Variants in ZNF716 observed in about 807,000 individuals in gnomAD.
ZNF716 encodes the protein zinc finger protein 716.
A neutral mutation model predicts 13.4 loss-of-function variants in ZNF716; 9 were observed. That is an observed-to-expected ratio of 0.67 (90% CI 0.41 to 1.18). The LOEUF (loss-of-function observed/expected upper bound fraction) is 1.18. Ranked by LOEUF, ZNF716 falls within the 50% of genes most tolerant of loss-of-function variation. The pLI is 0.01. For missense variants in ZNF716, 581 were observed against 576.6 expected (o/e 1.01, Z -0.08); for synonymous variants, 186 against 195.2 (o/e 0.95, Z 0.39).
intron 3 of ZNF716, among the ~76,000 whole-genome samples, chr7:57,466,918 A>C (rs1789827629): frequency 6.6e-6 from 1 of 152,068 alleles, no homozygotes; most frequent in Admixed American, 6.6e-5. Context: ...ATGCATATAC[A>C]TATATGTAGA....
At chr7:57,462,374 C>A in intron 1 of ZNF716, 86 bp from the exon 2 acceptor site, 2 of 1,459,568 alleles carry the variant, frequency 1.4e-6, no homozygotes, top group South Asian at 1.2e-5. Context: ...TAACATGAGT[C>A]AAATAAAAAT....
At chr7:57,461,631 C>CT (rs1163878655) in intron 1 of ZNF716, among the ~76,000 whole-genome samples, 1 of 152,106 alleles carries the variant, frequency 6.6e-6, no homozygotes, top group Non-Finnish European at 1.5e-5. Context: ...AACCCAGACT[C>CT]TGCCATTTAC....
At chr7:57,460,345 A>G (rs1789685579) in intron 1 of ZNF716, among the ~76,000 whole-genome samples, 2 of 141,756 alleles carry the variant, frequency 1.4e-5, no homozygotes, top group South Asian at 2.4e-4. Flanking sequence ...CAGTGAGCTG[A>G]GATTGCACCA....
chr7:57,462,360 T>G (rs1554323242), intron 1 of ZNF716, 100 bp from the exon 2 acceptor site: 1 of 1,384,778 alleles, frequency 7.2e-7, no homozygotes, highest in Non-Finnish European at 1.0e-6. Flanking sequence ...TTTACTCTCT[T>G]ATTTAACATG....
In ZNF716 at chr7:57,469,372, C is replaced by T. The variant is rs1290155758; in HGVS notation, c.911C>T (p.Ala304Val). The change falls in exon 4 of 4, where the codon GCC becomes GTC. Residue 304 changes from alanine to valine, a missense_variant. Coordinates refer to ENST00000420713, the MANE Select transcript of ZNF716 (RefSeq NM_001159279.1). Reference protein sequence around the residue: ...KPYTCEECGKAFSRSSTLTNH... With the variant: ...KPYTCEECGKVFSRSSTLTNH... ...TACACATGTGAAGAATGTGGCAAAG[C>T]CTTTAGCCGCTCTTCAACACTTACT... 6.2e-7 allele frequency: 1 copy of T among 1,613,564 alleles called. No individual in the cohort carries two copies. Among genetic ancestry groups the T allele is most frequent in the African/African-American group, 1.3e-5 (1 of 74,978 alleles).
chr7:57,450,529 CTT>C (rs1249478094), intron 1 of ZNF716, among the ~76,000 whole-genome samples: 1 of 152,120 alleles, frequency 6.6e-6, no homozygotes, highest in Non-Finnish European at 1.5e-5. Flanking sequence ...GGAGTTCTGT[CTT>C]TTTCCTCTGC....
At chr7:57,465,872 T>TG (rs1413480341) in intron 3 of ZNF716, among the ~76,000 whole-genome samples, 1 of 152,196 alleles carries the variant, frequency 6.6e-6, no homozygotes, top group African/African-American at 2.4e-5. Flanking sequence ...GATGAGTTCA[T>TG]GTCCTTTGTA....
intron 1 of ZNF716, among the ~76,000 whole-genome samples, chr7:57,454,311 T>G (rs1245704917): frequency 6.6e-6 from 1 of 152,246 alleles, no homozygotes; most frequent in African/African-American, 2.4e-5. Context: ...CTATAAAATG[T>G]AAGCACCTTA....
Position 57,469,887 on chromosome 7 carries a change from C to A in ZNF716, c.1426C>A (p.His476Asn), listed in dbSNP as rs782351042. Residue 476 changes from histidine (H) to asparagine (N), a missense_variant, in exon 4 of 4, where the codon CAT becomes AAT. Physicochemically the swap from His to Asn is moderately conservative, Grantham distance 68. Coordinates refer to ENST00000420713, the MANE Select transcript of ZNF716 (RefSeq NM_001159279.1). ...CEECDQTFKW[H>N]SSLANHKNMH... Reference sequence around the variant, plus strand: ...AGAATGTGACCAAACTTTTAAGTGGCATTCAAGTCTTGCTAATCATAAGAA... The same window carrying A: ...AGAATGTGACCAAACTTTTAAGTGGAATTCAAGTCTTGCTAATCATAAGAA... 5.7e-6 allele frequency: 9 copies of A among 1,592,712 alleles called. No individual in the cohort carries two copies. In the East Asian group the frequency reaches 1.8e-4, roughly 32 times the overall value.
chr7:57,469,658 G>T lies in ZNF716; in HGVS notation c.1197G>T (p.Lys399Asn). ...FSLPSTFTYH[K>N]RTHTGEKPYK... ...TACCCTCAACCTTCACTTACCACAA[G>T]AGAACTCATACTGGAGAGAAACCCT... is the stretch of plus-strand genomic sequence containing the variant. Residue 399 changes from lysine (K) to asparagine (N), a missense_variant, in exon 4 of 4, where the codon AAG becomes AAT. By Grantham distance (94) the Lys-to-Asn change is moderately conservative. Transcript: ENST00000420713. The T allele has an allele frequency of 6.3e-7, 1 of 1,588,146 alleles. No individual in the cohort carries two copies.
chr7:57,465,183 G>A (rs11135652), intron 3 of ZNF716, among the ~76,000 whole-genome samples: 119,554 of 152,186 alleles, frequency 0.79, 47,445 homozygotes, highest in East Asian at 0.91. Context: ...TATCAATTAA[G>A]TATTTTGACC....
chr7:57,461,362 T>A (rs1480734555), intron 1 of ZNF716, among the ~76,000 whole-genome samples: 1 of 152,206 alleles, frequency 6.6e-6, no homozygotes, highest in East Asian at 1.9e-4. Context: ...CATCAGCACA[T>A]AATAAAAATG....
rs1326160900 is a variant in ZNF716, at chr7:57,473,449, G to A, written c.*3500G>A. ...GCAGGAGAATTGCTTGAACCTCGGA[G>A]GTGGAGGTAGCAGTGAGCTGAGATG... On this transcript the variant is annotated 3_prime_UTR_variant, in exon 4 of 4. Transcript: ENST00000420713. The A allele has an allele frequency of 4.6e-5, 7 of 152,096 alleles. No homozygotes were observed. Among genetic ancestry groups the A allele is most frequent in the African/African-American group, 1.7e-4 (7 of 41,384 alleles). 9.4% of individuals were successfully genotyped at this position (152,096 alleles called of 1,614,324 possible). A position where few individuals can be genotyped will look rare whatever the true frequency, so the allele number is the denominator to read the frequency against.
In ZNF716 at chr7:57,450,250, G is replaced by T; in HGVS notation, c.-39G>T. On this transcript the variant is annotated 5_prime_UTR_variant, in exon 1 of 4. Transcript: ENST00000420713. ...TGCGTCCTCTGCTCCTGGAGGCCAA[G>T]CCTCTGTGGCCTTGTGTCCTGCAAG... 2 of 1,613,622 alleles carry T rather than the reference G, an allele frequency of 1.2e-6. No homozygotes were observed. The highest frequency in any genetic ancestry group is 2.2e-5 in the East Asian group (1 of 44,840).
intron 1 of ZNF716, among the ~76,000 whole-genome samples, chr7:57,462,048 T>G (rs1239073490): frequency 3.3e-5 from 5 of 151,658 alleles, no homozygotes; most frequent in African/African-American, 1.2e-4. Context: ...TAGTCCCAGC[T>G]ACTCAGGAGG....
At chr7:57,463,404 A>C (rs1789744449) in intron 3 of ZNF716, among the ~76,000 whole-genome samples, 1 of 152,220 alleles carries the variant, frequency 6.6e-6, no homozygotes, top group Non-Finnish European at 1.5e-5. Flanking sequence ...AGTGCGAGCT[A>C]AAGTTTTCTT....
chr7:57,452,152 G>GT (rs1789509358), intron 1 of ZNF716, among the ~76,000 whole-genome samples: 1 of 152,092 alleles, frequency 6.6e-6, no homozygotes, highest in Non-Finnish European at 1.5e-5. Context: ...TAAATTTTCA[G>GT]TTTTTGTGAC....
At position 57,472,224 on chromosome 7, in the gene ZNF716, G is replaced by T. The variant is rs782374495; in HGVS notation, c.*2275G>T. ...GTGATGTATAAGGCGAGCGTTCAGA[G>T]TAATATTCTAAATTCTAGTGAGGAA... On this transcript the variant is annotated 3_prime_UTR_variant, in exon 4 of 4. Coordinates refer to ENST00000420713, the MANE Select transcript of ZNF716 (RefSeq NM_001159279.1). The T allele has an allele frequency of 2.0e-5, 3 of 152,178 alleles. No individual in the cohort carries two copies. The highest frequency in any genetic ancestry group is 4.4e-5 in the Non-Finnish European group (3 of 68,022). The allele number at this position is 152,178 out of a possible 1,614,324, so 9.4% of individuals were successfully genotyped here. A position where few individuals can be genotyped will look rare whatever the true frequency, so the allele number is the denominator to read the frequency against.
chr7:57,451,075 G>A (rs2116400158), intron 1 of ZNF716, among the ~76,000 whole-genome samples: 1 of 151,250 alleles, frequency 6.6e-6, no homozygotes, highest in African/African-American at 2.4e-5. Flanking sequence ...AGGCTGGAGT[G>A]CAATGGCACG....
Sources: gnomAD v4.1 joint callset for allele counts (sites outside exome capture counted in the v4.1 genomes callset) on GRCh38, gnomAD v4.1.1 for gene constraint, MANE v1.5 for transcripts, NCBI Gene and HGNC (gene_info 2026-07-23, HGNC 2026-07-21) for gene names.